CYTH1: variants seen among roughly 807,000 people sequenced by gnomAD.
CYTH1 encodes the protein cytohesin 1.
A neutral mutation model predicts 61.8 loss-of-function variants in CYTH1; 18 were observed. The ratio of observed to expected loss-of-function variants is 0.29; its 90% CI spans 0.20 to 0.43. CYTH1 has a LOEUF of 0.43. CYTH1 is among the 20% of genes least tolerant of loss of function. The probability of loss-of-function intolerance (pLI) is 1.00; values close to 1 mark genes in which losing one functional copy is unlikely to be tolerated. For missense variants in CYTH1, 336 were observed against 510.5 expected (o/e 0.66, Z 3.29); for synonymous variants, 174 against 184.3 (o/e 0.94, Z 0.45).
chr17:78,688,823 A>G (rs2092845461), intron 11 of CYTH1, among the ~76,000 whole-genome samples: 1 of 152,188 alleles, frequency 6.6e-6, no homozygotes, highest in Admixed American at 6.5e-5. Context: ...CATATTCTAC[A>G]AAGTGGGCTT....
At chr17:78,699,366 A>G (rs1454325182) in intron 7 of CYTH1, among the ~76,000 whole-genome samples, 7 of 144,644 alleles carry the variant, frequency 4.8e-5, no homozygotes, top group South Asian at 2.2e-4. Context: ...TCCATCTCAG[A>G]AAAAAAAAAA....
intron 3 of CYTH1, among the ~76,000 whole-genome samples, chr17:78,703,084 C>A (rs903210733): frequency 1.3e-5 from 2 of 151,752 alleles, no homozygotes; most frequent in African/African-American, 4.8e-5. Context: ...CTGTACCCAG[C>A]CAGTTTTCTT....
chr17:78,782,027 G>A (rs1490086453), intron 1 of CYTH1, among the ~76,000 whole-genome samples, 175 bp downstream of exon 1: 2 of 149,312 alleles, frequency 1.3e-5, no homozygotes, highest in African/African-American at 4.9e-5. Flanking sequence ...AACCCCCTGC[G>A]ACCCCCGCCC....
intron 1 of CYTH1, among the ~76,000 whole-genome samples, chr17:78,755,781 C>T (rs1379181218): frequency 2.6e-5 from 4 of 151,670 alleles, no homozygotes; most frequent in Admixed American, 6.6e-5. Context: ...CATGGTGGTG[C>T]AAGCCTGTAG....
At chr17:78,759,062 C>A (rs937752141) in intron 1 of CYTH1, among the ~76,000 whole-genome samples, 3 of 152,108 alleles carry the variant, frequency 2.0e-5, no homozygotes, top group Non-Finnish European at 4.4e-5. Flanking sequence ...ATGACAACAC[C>A]ACTGCACTCC....
At chr17:78,761,348 T>A (rs988223376) in intron 1 of CYTH1, among the ~76,000 whole-genome samples, 4 of 152,216 alleles carry the variant, frequency 2.6e-5, no homozygotes, top group Non-Finnish European at 5.9e-5. Flanking sequence ...ATGTGTAACC[T>A]ATTTTTGTGT....
chr17:78,711,261 CAAATAAATAAATAAATAAATAAAT>C (rs547065237), intron 1 of CYTH1, among the ~76,000 whole-genome samples: 2 of 141,510 alleles, frequency 1.4e-5, no homozygotes, highest in African/African-American at 5.4e-5. Context: ...GACTCCATCT[CAAATAAATAAATAAATAAATAAAT>C]AAATAAATAA....
intron 1 of CYTH1, among the ~76,000 whole-genome samples, chr17:78,765,787 T>C (rs1421065024): frequency 6.6e-6 from 1 of 152,156 alleles, no homozygotes; most frequent in East Asian, 1.9e-4. Flanking sequence ...ACAGCTGAGC[T>C]GAGAGCAGGC....
chr17:78,687,415 G>A (rs1286560311), intron 11 of CYTH1, among the ~76,000 whole-genome samples: 1 of 152,180 alleles, frequency 6.6e-6, no homozygotes, highest in African/African-American at 2.4e-5. Context: ...ATGGAGATTT[G>A]AAGTTGTCTC....
chr17:78,778,861 C>G (rs941383031), intron 1 of CYTH1, among the ~76,000 whole-genome samples: 9 of 152,180 alleles, frequency 5.9e-5, no homozygotes, highest in African/African-American at 2.2e-4. Flanking sequence ...ATGTTATATG[C>G]TTTATGAATC....
chr17:78,707,730 G>C (rs1476752172), intron 3 of CYTH1, among the ~76,000 whole-genome samples: 2 of 151,220 alleles, frequency 1.3e-5, no homozygotes, highest in East Asian at 3.9e-4. Context: ...CACCAGGCTG[G>C]AGTGCAGTGG....
chr17:78,715,584 G>GA (rs1173801833), intron 1 of CYTH1, among the ~76,000 whole-genome samples: 3 of 152,190 alleles, frequency 2.0e-5, no homozygotes, highest in African/African-American at 7.2e-5. Flanking sequence ...AAGCAGCTGA[G>GA]AAAACTGTGT....
intron 1 of CYTH1, among the ~76,000 whole-genome samples, chr17:78,766,137 A>C (rs1471642251): frequency 3.3e-5 from 5 of 151,478 alleles, no homozygotes. Context: ...CAGGAGACAA[A>C]GCTTCCAAGT....
intron 1 of CYTH1, among the ~76,000 whole-genome samples, chr17:78,711,304 T>TAAATAAATAAATA (rs1567852045): frequency 1.8e-5 from 1 of 54,798 alleles, no homozygotes; most frequent in South Asian, 6.5e-4. Context: ...AAATAAATAA[T>TAAATAAATAAATA]ATATATATAT....
intron 1 of CYTH1, among the ~76,000 whole-genome samples, chr17:78,763,226 C>T (rs1422649434): frequency 1.3e-5 from 2 of 151,768 alleles, no homozygotes; most frequent in African/African-American, 4.8e-5. Context: ...GCCTGTAGTC[C>T]CAGCTACTTG....
chr17:78,727,750 T>G (rs1224335199), intron 1 of CYTH1: 1 of 470,888 alleles, frequency 2.1e-6, no homozygotes. Context: ...GAGGGCAGGC[T>G]TCTTCTTCTC....
intron 1 of CYTH1, among the ~76,000 whole-genome samples, chr17:78,720,703 C>T (rs2093220394): frequency 6.6e-6 from 1 of 152,152 alleles, no homozygotes; most frequent in Non-Finnish European, 1.5e-5. Context: ...GGCAAAACCT[C>T]ATCTCTACAA....
chr17:78,782,051 C>CG, intron 1 of CYTH1, 151 bp downstream of exon 1: 1 of 652,434 alleles, frequency 1.5e-6, no homozygotes, highest in Non-Finnish European at 2.0e-6. Flanking sequence ...GAGGGCCCCG[C>CG]GCACCGCTCG....
intron 1 of CYTH1, among the ~76,000 whole-genome samples, chr17:78,772,064 T>G (rs1260776998): frequency 1.3e-5 from 2 of 152,224 alleles, no homozygotes; most frequent in Non-Finnish European, 2.9e-5. Flanking sequence ...CCTCTATGAT[T>G]GCAACTGAAA....
Sources: allele counts gnomAD v4.1 joint callset (sites outside exome capture counted in the v4.1 genomes callset), GRCh38; gene constraint gnomAD v4.1.1; transcripts MANE v1.5; gene names NCBI Gene and HGNC (gene_info 2026-07-23, HGNC 2026-07-21).